The following SOX6 variants were observed in gnomAD, a reference collection of about 807,000 sequenced individuals.
SOX6 encodes transcription factor SOX-6.
SOX6 carries 11 observed loss-of-function variants against 97.8 expected under a neutral mutation model. The observed-to-expected ratio is 0.11, with a 90% CI of 0.07 to 0.19. The LOEUF is 0.19. Ranked by LOEUF, SOX6 falls within the 10% of genes least tolerant of loss-of-function variation. The pLI, the probability that SOX6 is intolerant of heterozygous loss-of-function variation, is 1.00. For synonymous variants in SOX6, 360 were observed against 371.4 expected, an observed-to-expected ratio of 0.97 and a Z score of 0.35; for missense variants, 810 against 1,039.5, an observed-to-expected ratio of 0.78 and a Z score of 3.04.
intron 4 of SOX6, among the ~76,000 whole-genome samples, chr11:16,588,009 C>G (rs560477133): frequency 6.6e-6 from 1 of 152,178 alleles, no homozygotes; most frequent in African/African-American, 2.4e-5. Context: ...GGTTAGAAAG[C>G]AAGAGCACTC....
intron 3 of SOX6, chr11:16,312,918 C>T (rs999123531): frequency 6.6e-6 from 1 of 152,088 alleles, no homozygotes; most frequent in Admixed American, 6.6e-5. Context: ...ACTCTATCTA[C>T]CAATGTTTTA....
In SOX6 at chr11:15,971,074, C is replaced by G. The variant is rs191236891; in HGVS notation, c.*1735G>C. The G allele has an allele frequency of 6.6e-6, 1 of 152,366 alleles. No individual in the cohort carries two copies. Among genetic ancestry groups the G allele is most frequent in the South Asian group, 2.1e-4 (1 of 4,826 alleles). 9.4% of individuals were successfully genotyped at this position (152,366 alleles called of 1,614,324 possible). ...ATAAGTGCAGTTCATTTTGTTCACA[C>G]GTAGGCAGGTCCCCATGTGGCTACA... is the stretch of plus-strand genomic sequence containing the variant. On this transcript the variant is annotated 3_prime_UTR_variant, in exon 16 of 16. Transcript: ENST00000683767.
chr11:16,461,245 G>A (rs1354328), intron 1 of SOX6, among the ~76,000 whole-genome samples: 149,700 of 152,228 alleles, frequency 0.98, 73,661 homozygotes, highest in East Asian at 1. Context: ...CTTATTCATC[G>A]CTTGTTTAAA....
At chr11:16,067,473 C>A (rs181561604) in intron 9 of SOX6, among the ~76,000 whole-genome samples, 1 of 152,064 alleles carries the variant, frequency 6.6e-6, no homozygotes, top group Non-Finnish European at 1.5e-5. Flanking sequence ...CCATGTAAGA[C>A]GTGCCTTTGC....
chr11:16,388,507 C>A (rs1467998756), intron 1 of SOX6, among the ~76,000 whole-genome samples: 2 of 152,058 alleles, frequency 1.3e-5, no homozygotes, highest in African/African-American at 4.8e-5. Flanking sequence ...ATAGAATCCA[C>A]AAGTGAAATC....
At chr11:16,207,206 A>G (rs1429912251) in intron 4 of SOX6, among the ~76,000 whole-genome samples, 1 of 152,200 alleles carries the variant, frequency 6.6e-6, no homozygotes, top group African/African-American at 2.4e-5. Context: ...TAAAAGTGAG[A>G]AATTAAGAAG....
At chr11:16,529,828 G>GA (rs1160259526) in intron 4 of SOX6, among the ~76,000 whole-genome samples, 1 of 151,880 alleles carries the variant, frequency 6.6e-6, no homozygotes, top group Non-Finnish European at 1.5e-5. Context: ...ATCCAAAAGA[G>GA]AAAAAAATCT....
chr11:16,413,654 G>C (rs1460325038), intron 1 of SOX6, among the ~76,000 whole-genome samples: 1 of 151,196 alleles, frequency 6.6e-6, no homozygotes, highest in Non-Finnish European at 1.5e-5. Context: ...CCAAGTAGCT[G>C]GGATTACAGG....
intron 3 of SOX6, among the ~76,000 whole-genome samples, chr11:16,626,158 G>A (rs1035375003): frequency 3.3e-5 from 5 of 152,172 alleles, no homozygotes; most frequent in Admixed American, 6.5e-5. Context: ...ATTGCTTGGT[G>A]TGGGAAAAAT....
chr11:16,153,898 A>T (rs563154530), intron 6 of SOX6, among the ~76,000 whole-genome samples: 1 of 152,338 alleles, frequency 6.6e-6, no homozygotes, highest in South Asian at 2.1e-4. Context: ...TTTTCTCTGG[A>T]GAGTACCACA....
chr11:16,554,450 G>C (rs1182627221), intron 4 of SOX6, among the ~76,000 whole-genome samples: 1 of 151,900 alleles, frequency 6.6e-6, no homozygotes, highest in East Asian at 1.9e-4. Context: ...CCCACCATGT[G>C]CCAGGCACAA....
chr11:16,163,852 T>C (rs548523420), intron 6 of SOX6, among the ~76,000 whole-genome samples: 2 of 152,320 alleles, frequency 1.3e-5, no homozygotes, highest in East Asian at 1.9e-4. Context: ...CTATGAAAAG[T>C]TGGGGCATTG....
At chr11:16,489,758 T>A (rs901444818) in intron 4 of SOX6, among the ~76,000 whole-genome samples, 3 of 152,014 alleles carry the variant, frequency 2.0e-5, no homozygotes, top group Non-Finnish European at 2.9e-5. Flanking sequence ...AAGTATGAGT[T>A]TTTTAACTTT....
chr11:16,179,962 T>C (rs1290375417), intron 6 of SOX6, among the ~76,000 whole-genome samples: 1 of 151,826 alleles, frequency 6.6e-6, no homozygotes, highest in Non-Finnish European at 1.5e-5. Context: ...AGCTGAATTC[T>C]TTTGCAAAGA....
rs1016194129 is a variant in SOX6, at chr11:16,156,760, C to CT, written c.777+27125dup. On this transcript the variant is annotated intron_variant, in intron 6 of 15. Coordinates refer to ENST00000683767, the MANE Select transcript of SOX6 (RefSeq NM_001367873.1). ...AATTCTGTTCCTTCTCCCTGGAATA[C>CT]TTTTTTTTACCCTAATATCCATGTC... is the stretch of plus-strand genomic sequence containing the variant. Among the ~76,000 whole-genome samples the CT allele has an allele frequency of 1.1e-4, 16 of 151,864 alleles. No individual in the cohort carries two copies. The East Asian group carries it at 1.5e-3, about 15-fold the overall frequency.
At chr11:16,378,203 T>C (rs1429351304) in intron 1 of SOX6, among the ~76,000 whole-genome samples, 1 of 152,182 alleles carries the variant, frequency 6.6e-6, no homozygotes, top group Non-Finnish European at 1.5e-5. Context: ...CTAGGTATTG[T>C]GGATTCGTTA....
At chr11:16,433,701 A>G (rs1037353746) in intron 1 of SOX6, among the ~76,000 whole-genome samples, 4 of 152,166 alleles carry the variant, frequency 2.6e-5, no homozygotes, top group Admixed American at 1.3e-4. Context: ...TGCTTAAACT[A>G]GTTAATAAAT....
intron 3 of SOX6, among the ~76,000 whole-genome samples, chr11:16,258,556 G>A (rs1298883206): frequency 6.6e-6 from 1 of 151,954 alleles, no homozygotes. Flanking sequence ...GGGATTGGGG[G>A]AGGGATGAAT....
chr11:16,531,516 C>G (rs1214210387), intron 4 of SOX6, among the ~76,000 whole-genome samples: 1 of 151,528 alleles, frequency 6.6e-6, no homozygotes, highest in African/African-American at 2.4e-5. Flanking sequence ...ATATATCAAC[C>G]CTATGGAATA....
Sources: gnomAD v4.1 joint callset for allele counts (sites outside exome capture counted in the v4.1 genomes callset) on GRCh38, gnomAD v4.1.1 for gene constraint, MANE v1.5 for transcripts, NCBI Gene and HGNC (gene_info 2026-07-23, HGNC 2026-07-21) for gene names.